Variants in NRXN3 observed in about 807,000 individuals in gnomAD.
The protein encoded by NRXN3 is neurexin 3.
In NRXN3, 32 loss-of-function variants were observed where a neutral mutation model predicts 137.6. The observed-to-expected ratio is 0.23, with a 90% confidence interval of 0.18 to 0.31. The LOEUF is 0.31. Among genes scored for constraint, NRXN3 ranks in the 10% least tolerant of loss-of-function variants. The pLI, the probability that NRXN3 is intolerant of heterozygous loss-of-function variation, is 1.00. For missense variants in NRXN3, 1,574 were observed against 2,062.5 expected (o/e 0.76, Z 4.59); for synonymous variants, 798 against 784.5 (o/e 1.02, Z -0.29).
intron 15 of NRXN3, among the ~76,000 whole-genome samples, chr14:79,368,220 A>G (rs1222761291): frequency 1.3e-5 from 2 of 152,200 alleles, no homozygotes; most frequent in African/African-American, 2.4e-5. Flanking sequence ...AAGTTGGCCA[A>G]ATTTCATGTG....
In NRXN3 at chr14:78,593,881, A is replaced by G. The variant is rs141913399; in HGVS notation, c.758-51239A>G. Reference sequence around the variant, plus strand: ...CAACCCTCTTGCTGCCCCCACCCCAATGGAGAGGGGCCCAGGCATGCAGAA... The same window carrying G: ...CAACCCTCTTGCTGCCCCCACCCCAGTGGAGAGGGGCCCAGGCATGCAGAA... On this transcript the variant is annotated intron_variant, in intron 4 of 20. Coordinates refer to ENST00000335750, the MANE Select transcript of NRXN3 (RefSeq NM_001330195.2). Among the ~76,000 whole-genome samples the G allele has an allele frequency of 3.3e-3, 505 of 152,198 alleles. 4 individuals are homozygous for G. Among genetic ancestry groups the G allele is most frequent in the African/African-American group, 0.012 (487 of 41,534 alleles).
Position 79,027,717 on chromosome 14 carries a change from C to A in NRXN3, c.3262+39576C>A, listed in dbSNP as rs578068699. On this transcript the variant is annotated intron_variant, in intron 15 of 20. Coordinates refer to ENST00000335750, the MANE Select transcript of NRXN3 (RefSeq NM_001330195.2). ...TCAGCTCTGGAAAGGATGTTGTTAC[C>A]AAGTTCAGTTTGTGAATTGCCAGGA... Among the ~76,000 whole-genome samples, 541 of 152,222 alleles carry A rather than the reference C, an allele frequency of 3.6e-3. 2 individuals are homozygous for A. The highest frequency in any genetic ancestry group is 0.013 in the African/African-American group (524 of 41,550).
chr14:78,705,795 T>C (rs998842886), intron 6 of NRXN3, among the ~76,000 whole-genome samples: 1 of 152,166 alleles, frequency 6.6e-6, no homozygotes, highest in African/African-American at 2.4e-5. Context: ...TTCACAACAG[T>C]GAAAACTCCA....
intron 10 of NRXN3, among the ~76,000 whole-genome samples, chr14:78,838,810 A>G (rs1377824348): frequency 2.0e-5 from 3 of 152,142 alleles, no homozygotes; most frequent in Admixed American, 1.3e-4. Flanking sequence ...ATGCTGTTCA[A>G]CTGAGATTCT....
rs556890595 is a variant in NRXN3 at position 79,641,902 on chromosome 14, T to C, written c.3445-21876T>C. Among the ~76,000 whole-genome samples the C allele has an allele frequency of 8.1e-5, 11 of 135,444 alleles. 1 individual carries two copies. In the East Asian group the frequency reaches 2.2e-3, roughly 26 times the overall value. 88.9% of individuals were successfully genotyped at this position (135,444 alleles called of 152,430 possible). ...CAAAATATCCCTCCTTATGCATACT[T>C]CCCACTGCTTAGATGTCTATACTCA... On this transcript the variant is annotated intron_variant, in intron 16 of 20. Coordinates refer to ENST00000335750, the MANE Select transcript of NRXN3 (RefSeq NM_001330195.2).
intron 4 of NRXN3, among the ~76,000 whole-genome samples, chr14:78,591,993 A>G (rs1330016342): frequency 1.3e-5 from 2 of 152,098 alleles, no homozygotes; most frequent in African/African-American, 2.4e-5. Flanking sequence ...TTCTGAACTC[A>G]TTTCTCTGAG....
At chr14:78,240,567 C>G (rs1440818296) in intron 1 of NRXN3, among the ~76,000 whole-genome samples, 1 of 152,200 alleles carries the variant, frequency 6.6e-6, no homozygotes, top group Admixed American at 6.5e-5. Context: ...CCACTGGACT[C>G]TCTCCTCTGG....
chr14:78,961,538 G>A (rs2099408185), intron 11 of NRXN3, among the ~76,000 whole-genome samples: 2 of 152,186 alleles, frequency 1.3e-5, no homozygotes, highest in Non-Finnish European at 2.9e-5. Context: ...TTCGGAGGAA[G>A]GGAGAGAAAT....
At chr14:79,361,998 T>TAA (rs2093698492) in intron 15 of NRXN3, among the ~76,000 whole-genome samples, 7 of 132,598 alleles carry the variant, frequency 5.3e-5, no homozygotes, top group African/African-American at 8.7e-5. Flanking sequence ...ACTTTTATAA[T>TAA]TATTATTATT....
intron 2 of NRXN3, among the ~76,000 whole-genome samples, chr14:78,272,582 A>G (rs2072959627): frequency 6.6e-6 from 1 of 152,212 alleles, no homozygotes; most frequent in Non-Finnish European, 1.5e-5. Flanking sequence ...GGCCTACGGC[A>G]TTACTGCATT....
At chr14:79,244,674 T>C (rs2074893823) in intron 15 of NRXN3, among the ~76,000 whole-genome samples, 1 of 152,190 alleles carries the variant, frequency 6.6e-6, no homozygotes, top group Admixed American at 6.6e-5. Context: ...CAAGATGTGC[T>C]GAGGAGAGCT....
intron 4 of NRXN3, among the ~76,000 whole-genome samples, chr14:78,482,323 G>A (rs1399957915): frequency 8.5e-5 from 13 of 152,148 alleles, no homozygotes; most frequent in Non-Finnish European, 1.8e-4. Flanking sequence ...GCCCCATTGA[G>A]GTAGACAATG....
rs903818963 is a variant in NRXN3, at chr14:79,326,645, C to A, written c.3263-140576C>A. On this transcript the variant is annotated intron_variant, in intron 15 of 20. Coordinates refer to ENST00000335750, the MANE Select transcript of NRXN3 (RefSeq NM_001330195.2). ...GGTCCGTTTCTGTCTCTTTCATTCT[C>A]ATCTTTACTCTAGGTGCCCAGAAAC... is the stretch of plus-strand genomic sequence containing the variant. Among the ~76,000 whole-genome samples, 7 of 152,182 alleles carry A rather than the reference C, an allele frequency of 4.6e-5. No individual in the cohort carries two copies. The East Asian group carries it at 9.6e-4, about 21-fold the overall frequency.
intron 10 of NRXN3, among the ~76,000 whole-genome samples, chr14:78,905,751 G>A (rs1027889477): frequency 1.3e-5 from 2 of 151,940 alleles, no homozygotes; most frequent in Non-Finnish European, 2.9e-5. Flanking sequence ...CTTCTACAAA[G>A]CATATTAATA....
At chr14:78,770,218 G>T (rs1339754576) in intron 8 of NRXN3, among the ~76,000 whole-genome samples, 1 of 152,134 alleles carries the variant, frequency 6.6e-6, no homozygotes, top group East Asian at 1.9e-4. Context: ...CCTCACCCAG[G>T]GTCGCCCAGC....
chr14:79,794,523 G>A (rs1248093024), intron 19 of NRXN3, among the ~76,000 whole-genome samples: 1 of 152,166 alleles, frequency 6.6e-6, no homozygotes, highest in African/African-American at 2.4e-5. Flanking sequence ...GAATGCCATT[G>A]CCTTCTCTCT....
chr14:79,264,660 C>T (rs1235513151), intron 15 of NRXN3, among the ~76,000 whole-genome samples: 1 of 151,894 alleles, frequency 6.6e-6, no homozygotes, highest in Non-Finnish European at 1.5e-5. Context: ...CTCACTTAAC[C>T]TTAATTACCT....
In NRXN3 at chr14:79,861,603, A is replaced by G. The variant is rs1180038849; in HGVS notation, c.4355A>G (p.Asp1452Gly). The G allele has an allele frequency of 6.2e-7, 1 of 1,613,192 alleles. No homozygotes were observed. Among genetic ancestry groups the G allele is most frequent in the Non-Finnish European group, 8.5e-7 (1 of 1,179,756 alleles). Residue 1452 changes from aspartate (D) to glycine (G), a missense_variant, in exon 21 of 21, where the codon GAC becomes GGC. Coordinates refer to ENST00000335750, the MANE Select transcript of NRXN3 (RefSeq NM_001330195.2). This position sits in a 1 kb window ranked among gnomAD's most constrained non-coding sequence, Gnocchi z 5.4. ...LLPLPTAYEL[D>G]STKLKSPLIT... The stretch of plus-strand genomic sequence containing the variant: ...CCGTTGCCCACTGCCTATGAGCTAG[A>G]CAGCACCAAACTGAAGAGCCCACTA...
chr14:78,282,300 G>A, intron 3 of NRXN3: 1 of 395,148 alleles, frequency 2.5e-6, no homozygotes, highest in South Asian at 1.8e-5. Flanking sequence ...TGGAGGTGAG[G>A]AAGAGGGAAG....
Sources: allele counts gnomAD v4.1 joint callset (sites outside exome capture counted in the v4.1 genomes callset), GRCh38; gene constraint gnomAD v4.1.1; non-coding constraint Gnocchi (gnomAD v3.1); transcripts MANE v1.5; gene names NCBI Gene and HGNC (gene_info 2026-07-23, HGNC 2026-07-21).